The following PPP2R5C variants were observed in gnomAD, a reference collection of about 807,000 sequenced individuals.
PPP2R5C encodes serine/threonine-protein phosphatase 2A 56 kDa regulatory subunit gamma isoform.
In PPP2R5C, 7 loss-of-function variants were observed where a neutral mutation model predicts 68.9. The ratio of observed to expected loss-of-function variants is 0.10; its 90% CI spans 0.06 to 0.19. The LOEUF (loss-of-function observed/expected upper bound fraction) is 0.19, where lower values mean the gene tolerates loss of function less well. Among genes scored for constraint, PPP2R5C ranks in the 10% least tolerant of loss-of-function variants. The probability of loss-of-function intolerance (pLI) is 1.00; values close to 1 mark genes in which losing one functional copy is unlikely to be tolerated. For synonymous variants in PPP2R5C, 210 were observed against 222.2 expected (o/e 0.95, Z 0.49); for missense variants, 348 against 641.3 (o/e 0.54, Z 4.94).
At position 101,890,049 on chromosome 14, in the gene PPP2R5C, G is replaced by A. The variant is rs550776391; in HGVS notation, c.630-188G>A. 84 of 690,534 alleles carry A rather than the reference G, an allele frequency of 1.2e-4. No individual in the cohort carries two copies. In the Middle Eastern group the frequency reaches 1.6e-3, roughly 14 times the overall value. The allele number at this position is 690,534 out of a possible 1,614,324, so 42.8% of individuals were successfully genotyped here. A position where few individuals can be genotyped will look rare whatever the true frequency, so the allele number is the denominator to read the frequency against. ...GTGCAAGACCAAGTTCTCTGCCCTCGAGGCATTTACAGCTGCAGGCCTTGA... is the reference window on the plus strand; with the variant it reads ...GTGCAAGACCAAGTTCTCTGCCCTCAAGGCATTTACAGCTGCAGGCCTTGA... On this transcript the variant is annotated intron_variant, in intron 5 of 13. Transcript: ENST00000334743.
At chr14:101,850,065 G>A in intron 1 of PPP2R5C, among the ~76,000 whole-genome samples, 1 of 152,170 alleles carries the variant, frequency 6.6e-6, no homozygotes, top group Non-Finnish European at 1.5e-5. Context: ...CCGTAGGTCA[G>A]TTTCTTACTC....
chr14:101,838,755 C>G (rs1953727999), intron 1 of PPP2R5C, among the ~76,000 whole-genome samples: 1 of 152,182 alleles, frequency 6.6e-6, no homozygotes, highest in Admixed American at 6.5e-5. Flanking sequence ...TAAATCTTCA[C>G]TATTTTGGCT....
chr14:101,790,180 C>T lies in PPP2R5C; in HGVS notation c.259+3997C>T, dbSNP rs533518836. On this transcript the variant is annotated intron_variant, in intron 3 of 14. Transcript: ENST00000328724. ...ATAAAAGAATTTAAAGCCACGTATT[C>T]ATTCTGAGTGTAACCTTCAGCCCTA... is the stretch of plus-strand genomic sequence containing the variant. Among the ~76,000 whole-genome samples the T allele has an allele frequency of 4.0e-4, 61 of 152,250 alleles. No homozygotes were observed. In the South Asian group the frequency reaches 0.013, roughly 32 times the overall value.
At chr14:101,922,059 C>G (rs1476967827) in intron 13 of PPP2R5C, 8 of 985,154 alleles carry the variant, frequency 8.1e-6, no homozygotes, top group African/African-American at 3.5e-5. Flanking sequence ...AGTGCAGGCT[C>G]TCATTACTCA....
At chr14:101,898,526 T>G (rs527855846) in intron 8 of PPP2R5C, among the ~76,000 whole-genome samples, 1 of 152,320 alleles carries the variant, frequency 6.6e-6, no homozygotes, top group South Asian at 2.1e-4. Context: ...AATATCACTT[T>G]GCAAGAGTGA....
intron 2 of PPP2R5C, among the ~76,000 whole-genome samples, chr14:101,767,988 C>G (rs1452701950): frequency 6.6e-6 from 1 of 152,208 alleles, no homozygotes; most frequent in Non-Finnish European, 1.5e-5. Flanking sequence ...CTCCACTGCT[C>G]TAGACCAAGG....
intron 1 of PPP2R5C, among the ~76,000 whole-genome samples, chr14:101,816,525 A>G (rs1211180468): frequency 6.6e-6 from 1 of 152,216 alleles, no homozygotes. Flanking sequence ...GTGTGAAATC[A>G]AACCTATTAG....
intron 1 of PPP2R5C, among the ~76,000 whole-genome samples, chr14:101,813,746 T>G (rs2039502454): frequency 6.6e-6 from 1 of 152,250 alleles, no homozygotes; most frequent in South Asian, 2.1e-4. Context: ...ATTAGCAAAC[T>G]TATCCAGTGG....
At chr14:101,886,563 C>T (rs1243806659) in intron 5 of PPP2R5C, among the ~76,000 whole-genome samples, 2 of 152,090 alleles carry the variant, frequency 1.3e-5, no homozygotes, top group African/African-American at 4.8e-5. Context: ...CTGTAATTGT[C>T]CTGATACGCG....
At chr14:101,805,567 G>T (rs2039041045), upstream of PPP2R5C, among the ~76,000 whole-genome samples, 1 of 152,182 alleles carries the variant, frequency 6.6e-6, no homozygotes, top group African/African-American at 2.4e-5. Flanking sequence ...ACACCCAAAA[G>T]AATTGAAAAC....
intron 1 of PPP2R5C, among the ~76,000 whole-genome samples, chr14:101,838,602 C>G (rs1306573828): frequency 6.6e-6 from 1 of 152,234 alleles, no homozygotes; most frequent in African/African-American, 2.4e-5. Context: ...TCCCCCTCGC[C>G]CCAGGAGGCT....
intron 8 of PPP2R5C, among the ~76,000 whole-genome samples, chr14:101,897,713 C>T (rs560511439): frequency 4.3e-4 from 65 of 152,082 alleles, no homozygotes; most frequent in Non-Finnish European, 8.4e-4. Flanking sequence ...CCTTTTGCAA[C>T]ACCCTCACAG....
chr14:101,837,159 T>C (rs1275254724), intron 1 of PPP2R5C, among the ~76,000 whole-genome samples: 1 of 152,220 alleles, frequency 6.6e-6, no homozygotes. Flanking sequence ...TGTTTTGTTT[T>C]TGAGACGGAG....
chr14:101,925,725 T>A (rs1056823698), exon 14 of PPP2R5C: 1 of 153,300 alleles, frequency 6.5e-6, no homozygotes, highest in Non-Finnish European at 1.5e-5. Flanking sequence ...ACGTGATTGT[T>A]ACGCCAGCAG....
chr14:101,779,986 T>C (rs1467902943), intron 2 of PPP2R5C, among the ~76,000 whole-genome samples: 1 of 152,160 alleles, frequency 6.6e-6, no homozygotes, highest in Non-Finnish European at 1.5e-5. Context: ...CAGGTCCCCA[T>C]TGCCCAGCCT....
chr14:101,894,188 TG>T (rs1380267487), intron 7 of PPP2R5C, among the ~76,000 whole-genome samples: 1 of 152,270 alleles, frequency 6.6e-6, no homozygotes, highest in African/African-American at 2.4e-5. Flanking sequence ...TTTAATTTGT[TG>T]TTCCCCACTG....
At chr14:101,821,428 C>T in intron 1 of PPP2R5C, among the ~76,000 whole-genome samples, 1 of 122,822 alleles carries the variant, frequency 8.1e-6, no homozygotes, top group African/African-American at 2.9e-5. Context: ...AGACCATTTT[C>T]TCCCTGTGGG....
At chr14:101,792,374 C>T (rs2038399029) in intron 3 of PPP2R5C, among the ~76,000 whole-genome samples, 1 of 152,208 alleles carries the variant, frequency 6.6e-6, no homozygotes, top group African/African-American at 2.4e-5. Context: ...CCCTGTCAAC[C>T]ATGTGCTAAT....
At chr14:101,818,786 A>T in intron 1 of PPP2R5C, 1 of 512,290 alleles carries the variant, frequency 2.0e-6, no homozygotes, top group Non-Finnish European at 3.5e-6. Context: ...CTTATATCTT[A>T]TTGTTTTTAA....
Sources: allele counts gnomAD v4.1 joint callset (sites outside exome capture counted in the v4.1 genomes callset), GRCh38; gene constraint gnomAD v4.1.1; transcripts MANE v1.5; gene names NCBI Gene and HGNC (gene_info 2026-07-23, HGNC 2026-07-21).